The following RNF213 variants were observed in gnomAD, a reference collection of about 807,000 sequenced individuals.
The protein encoded by RNF213 is ring finger protein 213.
In RNF213, 341 loss-of-function variants were observed where a neutral mutation model predicts 514.4. That is an observed-to-expected ratio of 0.66 (90% CI 0.61 to 0.73). RNF213 has a LOEUF of 0.73. Among genes scored for constraint, RNF213 ranks in the 30% least tolerant of loss-of-function variants. The probability of loss-of-function intolerance (pLI) is 0.00; values close to 1 mark genes in which losing one functional copy is unlikely to be tolerated. For missense variants in RNF213, 5,767 were observed against 6,615.6 expected (o/e 0.87, Z 4.45); for synonymous variants, 2,655 against 2,658.2 (o/e 1.00, Z 0.04).
At position 80,288,805 on chromosome 17, in the gene RNF213, G is replaced by T. The variant is rs141620585; in HGVS notation, c.933+50G>T. On this transcript the variant is annotated intron_variant, in intron 5 of 67. Coordinates refer to ENST00000582970, the MANE Select transcript of RNF213 (RefSeq NM_001256071.3). This position sits in a 1 kb window ranked among gnomAD's most constrained non-coding sequence, Gnocchi z 4.9. Reference sequence around the variant, plus strand: ...CTCCAGGAGGCCCTCTCCTGCCCACGGCTGCGCCTCTTTCATTTAATTATT... The same window carrying T: ...CTCCAGGAGGCCCTCTCCTGCCCACTGCTGCGCCTCTTTCATTTAATTATT... The T allele has an allele frequency of 1.2e-6, 2 of 1,613,246 alleles. No homozygotes were observed. The highest frequency in any genetic ancestry group is 1.7e-6 in the Non-Finnish European group (2 of 1,179,954).
chr17:80,361,940 G>A (rs760601641), intron 39 of RNF213, 52 bp downstream of exon 39: 7 of 1,576,510 alleles, frequency 4.4e-6, no homozygotes, highest in Non-Finnish European at 6.1e-6. Flanking sequence ...GCATGATGGG[G>A]ACTGGATGCA....
chr17:80,308,233 C>G (rs988823743), intron 13 of RNF213, among the ~76,000 whole-genome samples: 4 of 152,014 alleles, frequency 2.6e-5, no homozygotes, highest in African/African-American at 9.7e-5. Flanking sequence ...CACGTCTCTG[C>G]CGATGTTGAT....
Position 80,280,910 on chromosome 17 carries a change from G to A in RNF213, c.262-6905G>A, listed in dbSNP as rs539683660. Among the ~76,000 whole-genome samples, 183 of 152,194 alleles carry A rather than the reference G, an allele frequency of 1.2e-3. 1 individual carries two copies. The highest frequency in any genetic ancestry group is 4.3e-3 in the African/African-American group (180 of 41,508). On this transcript the variant is annotated intron_variant, in intron 3 of 67. Transcript: ENST00000582970. ...ACGGAGTAACAGAGGCGCGACCTGG[G>A]GATGCGCACGGAGCATGAGATGTGA...
chr17:80,279,552 C>T (rs555103664), intron 3 of RNF213, among the ~76,000 whole-genome samples: 5 of 152,202 alleles, frequency 3.3e-5, no homozygotes, highest in African/African-American at 9.6e-5. Context: ...GCAACCTCCG[C>T]GTGCAGGGTT....
At chr17:80,352,743 G>C in intron 32 of RNF213, 197 bp from the exon 33 acceptor site, 1 of 765,440 alleles carries the variant, frequency 1.3e-6, no homozygotes, top group Non-Finnish European at 2.3e-6. Flanking sequence ...CTGTCGATGG[G>C]CATAGAATCG....
chr17:80,286,350 G>A lies in RNF213; in HGVS notation c.262-1465G>A, dbSNP rs1426934392. On this transcript the variant is annotated intron_variant, in intron 3 of 67. Transcript: ENST00000582970. ...ATGGGTTTCCTCTGAATTTAAAAAG[G>A]AGGAGAAAATCGGAATTTCTGGCCC... Among the ~76,000 whole-genome samples the A allele has an allele frequency of 2.0e-5, 3 of 152,180 alleles. No homozygotes were observed. The South Asian group carries it at 6.2e-4, about 32-fold the overall frequency.
rs112602766 is a variant in RNF213, at chr17:80,290,573, G to C, written c.1116G>C (p.Thr372=). 3.7e-6 allele frequency: 6 copies of C among 1,613,846 alleles called. No individual in the cohort carries two copies. In the South Asian group the frequency reaches 6.6e-5, roughly 18 times the overall value. Residue 372 remains threonine (T), a synonymous_variant, in exon 7 of 68, where the codon ACG becomes ACC. Transcript: ENST00000582970. The part of the protein sequence containing the change: ...EADVQEVKAS[T]LSPGGGVTVF... ...TTCTGTTTTGGTTTTCCACCAGCAC[G>C]CTGAGCCCGGGTGGAGGAGTCACCG...
Position 80,290,664 on chromosome 17 carries a change from A to G in RNF213, c.1207A>G (p.Arg403Gly), listed in dbSNP as rs773721359. The G allele has an allele frequency of 9.3e-6, 15 of 1,614,200 alleles. No homozygotes were observed. In the East Asian group the frequency reaches 2.7e-4, roughly 29 times the overall value. The change falls in exon 7 of 68, where the codon AGA becomes GGA. Residue 403 changes from arginine to glycine, a missense_variant. Arg to Gly is a moderately radical substitution (Grantham distance 125, BLOSUM62 -2). Transcript: ENST00000582970. ...TCCTGACCTCCATAAAGTCTTCATC[A>G]GAGGAGGAGAAGAATTTGGGGAGTC... is the stretch of plus-strand genomic sequence containing the variant. ...FNPDLHKVFIRGGEEFGESKW... is the reference protein window; with the variant it reads ...FNPDLHKVFIGGGEEFGESKW...
At position 80,374,400 on chromosome 17, in the gene RNF213, C is replaced by T. The variant is rs569471551; in HGVS notation, c.12943-58C>T. Reference sequence around the variant, plus strand: ...CACCTGGTTCCTGTACCCGTTCAGACGGTTCTTTGCAAGACATTCCTCCCA... The same window carrying T: ...CACCTGGTTCCTGTACCCGTTCAGATGGTTCTTTGCAAGACATTCCTCCCA... On this transcript the variant is annotated intron_variant, in intron 49 of 67. Coordinates refer to ENST00000582970, the MANE Select transcript of RNF213 (RefSeq NM_001256071.3). The T allele has an allele frequency of 2.9e-5, 46 of 1,609,878 alleles. No individual in the cohort carries two copies. In the East Asian group the frequency reaches 3.3e-4, roughly 12 times the overall value.
At chr17:80,273,612 T>G (rs2043907137) in intron 3 of RNF213, among the ~76,000 whole-genome samples, 1 of 127,706 alleles carries the variant, frequency 7.8e-6, no homozygotes. Context: ...GCCTCCACCG[T>G]CTTTTTTTTT....
At chr17:80,272,589 C>A (rs1036180774) in intron 2 of RNF213, among the ~76,000 whole-genome samples, 1 of 152,176 alleles carries the variant, frequency 6.6e-6, no homozygotes, top group South Asian at 2.1e-4. Flanking sequence ...TTTGCCCTCA[C>A]GACCCACAGA....
At chr17:80,320,696 A>G (rs1343244341) in intron 17 of RNF213, 2 of 152,124 alleles carry the variant, frequency 1.3e-5, no homozygotes, top group African/African-American at 4.8e-5. Context: ...GGCCGAGCAT[A>G]ATGTTTTGAA....
intron 7 of RNF213, among the ~76,000 whole-genome samples, chr17:80,291,241 A>ATTCT (rs778704140): frequency 6.7e-6 from 1 of 149,576 alleles, no homozygotes; most frequent in African/African-American, 2.5e-5. Context: ...TTTTAAAAGT[A>ATTCT]TTCTTTCTTT....
At position 80,386,236 on chromosome 17, in the gene RNF213, C is replaced by A; in HGVS notation, c.14540-14C>A. On this transcript the variant is annotated splice_polypyrimidine_tract_variant and intron_variant, in intron 61 of 67. Transcript: ENST00000582970. ...GAACTCCTCTCTGCTTAAGCATAAC[C>A]CTGTCGTTTAAAGGTGAGATCAACC... 6.2e-7 allele frequency: 1 copy of A among 1,604,000 alleles called. No homozygotes were observed. Among genetic ancestry groups the A allele is most frequent in the East Asian group, 2.2e-5 (1 of 44,872 alleles).
Position 80,287,976 on chromosome 17 carries a change from T to C in RNF213, c.423T>C (p.Ser141=). 6.4e-7 allele frequency: 1 copy of C among 1,574,386 alleles called. No homozygotes were observed. The highest frequency in any genetic ancestry group is 8.6e-7 in the Non-Finnish European group (1 of 1,160,618). Reference sequence around the variant, plus strand: ...TGCCCCACAGCCAAGCCCAGCAGAGTGGCCCCACTGGCCAGCCGAGCCAGC... The same window carrying C: ...TGCCCCACAGCCAAGCCCAGCAGAGCGGCCCCACTGGCCAGCCGAGCCAGC... ...TALPHSQAQQ[S]GPTGQPSQPP... The change falls in exon 4 of 68, where the codon AGT becomes AGC. Residue 141 remains serine (S), a synonymous_variant. Transcript: ENST00000582970.
At chr17:80,291,087 C>T (rs916553753) in intron 7 of RNF213, among the ~76,000 whole-genome samples, 13 of 152,144 alleles carry the variant, frequency 8.5e-5, no homozygotes, top group African/African-American at 2.7e-4. Context: ...GCTGGGATTA[C>T]AGGCATGAGC....
At position 80,319,173 on chromosome 17, in the gene RNF213, C is replaced by G; in HGVS notation, c.2902-17C>G. On this transcript the variant is annotated splice_polypyrimidine_tract_variant and intron_variant, in intron 16 of 67. Coordinates refer to ENST00000582970, the MANE Select transcript of RNF213 (RefSeq NM_001256071.3). ...GCATCCGAAAGCTCTGAAACCACCC[C>G]CCTTTGATTTTTGCAGGAGGAACCC... 2 of 1,614,154 alleles carry G rather than the reference C, an allele frequency of 1.2e-6. No homozygotes were observed. Among genetic ancestry groups the G allele is most frequent in the Non-Finnish European group, 8.5e-7 (1 of 1,180,042 alleles).
chr17:80,325,229 C>G, intron 18 of RNF213, 31 bp downstream of exon 18: 1 of 1,510,402 alleles, frequency 6.6e-7, no homozygotes, highest in Non-Finnish European at 8.9e-7. Context: ...GGAACATCAG[C>G]TCAGGCAAGG....
chr17:80,344,604 T>A, intron 28 of RNF213, 74 bp from the exon 29 acceptor site: 7 of 1,526,954 alleles, frequency 4.6e-6, no homozygotes, highest in Non-Finnish European at 6.4e-6. Context: ...ATAGATAACG[T>A]GGAGGGTTAA....
Sources: gnomAD v4.1 joint callset for allele counts (sites outside exome capture counted in the v4.1 genomes callset) on GRCh38, gnomAD v4.1.1 for gene constraint, Gnocchi (gnomAD v3.1) non-coding constraint, MANE v1.5 for transcripts, NCBI Gene and HGNC (gene_info 2026-07-23, HGNC 2026-07-21) for gene names.